The following IL33 variants were observed in gnomAD, a reference collection of about 807,000 sequenced individuals.
IL33 encodes interleukin 33.
IL33 carries 37 observed loss-of-function variants against 27.3 expected under a neutral mutation model. That is an observed-to-expected ratio of 1.36 (90% CI 1.04 to 1.78). The LOEUF (loss-of-function observed/expected upper bound fraction) is 1.78, where lower values mean the gene tolerates loss of function less well. IL33 is among the 40% of genes most tolerant of loss of function. IL33 has a pLI of 0.00. For missense variants in IL33, 406 were observed against 311.4 expected (o/e 1.30, Z -2.29); for synonymous variants, 132 against 102.9 (o/e 1.28, Z -1.71).
Position 6,229,089 on chromosome 9 carries a change from C to T in IL33, c.-11-12595C>T, listed in dbSNP as rs1001552627. Among the ~76,000 whole-genome samples, 5 of 151,902 alleles carry T rather than the reference C, an allele frequency of 3.3e-5. No homozygotes were observed. In the East Asian group the frequency reaches 9.7e-4, roughly 29 times the overall value. ...GTGCAGCTGCCAGTATAGAAGGGGC[C>T]CTGGGAGAAGGAAATAAATGAGCTA... is the stretch of plus-strand genomic sequence containing the variant. On this transcript the variant is annotated intron_variant, in intron 1 of 7. Coordinates refer to ENST00000682010, the MANE Select transcript of IL33 (RefSeq NM_033439.4).
chr9:6,243,344 T>A (rs1187408921), intron 2 of IL33, among the ~76,000 whole-genome samples: 1 of 152,152 alleles, frequency 6.6e-6, no homozygotes, highest in Non-Finnish European at 1.5e-5. Flanking sequence ...GAAAGAAGCA[T>A]GCAAATTTAT....
In IL33 at chr9:6,252,979, G is replaced by T. The variant is rs145823952; in HGVS notation, c.457G>T (p.Asp153Tyr). Residue 153 changes from aspartate to tyrosine, a missense_variant, in exon 5 of 8, where the codon GAT (aspartate) becomes TAT (tyrosine). Transcript: ENST00000682010. ...GATATATGTTGAAGACTTGAAAAAA[G>T]ATGAAAAGAAAGGTAGATTATTTTC... ...YEIYVEDLKK[D>Y]EKKDKVLLSY... The T allele has an allele frequency of 7.6e-4, 1,169 of 1,528,506 alleles. 13 individuals carry two copies. In the African/African-American group the frequency reaches 0.015, roughly 19 times the overall value. The allele number at this position is 1,528,506 out of a possible 1,614,324, so 94.7% of individuals were successfully genotyped here.
chr9:6,253,772 T>C (rs1816557220), intron 6 of IL33, among the ~76,000 whole-genome samples, 170 bp downstream of exon 6: 1 of 152,214 alleles, frequency 6.6e-6, no homozygotes, highest in South Asian at 2.1e-4. Context: ...TTCTCATCCA[T>C]TTTACAGCTT....
rs201999875 is a variant in IL33, at chr9:6,252,058, A to AAC, written c.343+794_343+795insCA. Among the ~76,000 whole-genome samples the AAC allele has an allele frequency of 1.2e-3, 149 of 122,756 alleles. 12 individuals carry two copies. The highest frequency in any genetic ancestry group is 4.9e-3 in the African/African-American group (144 of 29,480). 80.5% of individuals were successfully genotyped at this position (122,756 alleles called of 152,430 possible). The stretch of plus-strand genomic sequence containing the variant: ...CAGAAAAAAAACAAACAAACAAACA[A>AAC]AAAAAAACCCAACAAAAAACAAAAC... On this transcript the variant is annotated intron_variant, in intron 4 of 7. Coordinates refer to ENST00000682010, the MANE Select transcript of IL33 (RefSeq NM_033439.4).
chr9:6,249,259 CTTT>C (rs1045660818), intron 2 of IL33, among the ~76,000 whole-genome samples: 1 of 152,150 alleles, frequency 6.6e-6, no homozygotes, highest in Non-Finnish European at 1.5e-5. Flanking sequence ...TTCCACTTAT[CTTT>C]AAAAAGCATT....
At position 6,256,913 on chromosome 9, in the gene IL33, C is replaced by T. The variant is rs1209136134; in HGVS notation, c.*745C>T. ...ATTGAGTTTAAGCAAGGCATTCTTACACGAGGAAGTGAAGTAAATTTTAGT... is the reference window on the plus strand; with the variant it reads ...ATTGAGTTTAAGCAAGGCATTCTTATACGAGGAAGTGAAGTAAATTTTAGT... On this transcript the variant is annotated 3_prime_UTR_variant, in exon 8 of 8. Coordinates refer to ENST00000682010, the MANE Select transcript of IL33 (RefSeq NM_033439.4). 1 of 151,982 alleles carries T rather than the reference C, an allele frequency of 6.6e-6. No homozygotes were observed. Among genetic ancestry groups the T allele is most frequent in the Non-Finnish European group, 1.5e-5 (1 of 68,004 alleles). 9.4% of individuals were successfully genotyped at this position (151,982 alleles called of 1,614,324 possible).
chr9:6,243,987 G>A (rs924232510), intron 2 of IL33, among the ~76,000 whole-genome samples: 2 of 152,172 alleles, frequency 1.3e-5, no homozygotes, highest in Non-Finnish European at 1.5e-5. Context: ...ACTTGTAGCT[G>A]AGTCAAAATG....
rs985442124 is a variant in IL33, at chr9:6,241,374, A to G, written c.-11-310A>G. Among the ~76,000 whole-genome samples, 4 of 152,328 alleles carry G rather than the reference A, an allele frequency of 2.6e-5. No individual in the cohort carries two copies. The East Asian group carries it at 7.7e-4, about 29-fold the overall frequency. On this transcript the variant is annotated intron_variant, in intron 1 of 7. Transcript: ENST00000682010. ...TACACCACCATCACCACAAACACGC[A>G]AGTAATGAATTGTTCTAGGATGTTA... is the stretch of plus-strand genomic sequence containing the variant.
chr9:6,248,977 T>C (rs181921449), intron 2 of IL33, among the ~76,000 whole-genome samples: 212 of 152,332 alleles, frequency 1.4e-3, no homozygotes, highest in African/African-American at 4.9e-3. Context: ...TTGTATTAAA[T>C]TACTTGTCAG....
intron 1 of IL33, among the ~76,000 whole-genome samples, chr9:6,234,442 C>A (rs550930457): frequency 2.6e-5 from 4 of 152,330 alleles, no homozygotes; most frequent in African/African-American, 9.6e-5. Flanking sequence ...CCCCTCATCC[C>A]CAGTCCAGAG....
rs1242522860 is a variant in IL33 at position 6,257,289 on chromosome 9, T to C, written c.*1121T>C. ...TATTCCAGCTTCCTGATAACACTGC[T>C]TACTGTGGAATATTCATTTGACATC... On this transcript the variant is annotated 3_prime_UTR_variant, in exon 8 of 8. Coordinates refer to ENST00000682010, the MANE Select transcript of IL33 (RefSeq NM_033439.4). 6.6e-6 allele frequency: 1 copy of C among 152,218 alleles called. No homozygotes were observed. The highest frequency in any genetic ancestry group is 1.5e-5 in the Non-Finnish European group (1 of 68,032). The allele number at this position is 152,218 out of a possible 1,614,324, so 9.4% of individuals were successfully genotyped here.
chr9:6,235,745 A>C (rs935224244), intron 1 of IL33, among the ~76,000 whole-genome samples: 1 of 152,172 alleles, frequency 6.6e-6, no homozygotes, highest in Non-Finnish European at 1.5e-5. Context: ...ATTCAAAACT[A>C]TCAGATAGTT....
At chr9:6,253,663 T>C in intron 6 of IL33, 61 bp downstream of exon 6, 2 of 1,305,066 alleles carry the variant, frequency 1.5e-6, no homozygotes, top group Non-Finnish European at 2.2e-6. Context: ...TAAAGATAAA[T>C]CCAAAAAAAT....
chr9:6,228,857 A>AT (rs1818782442), intron 1 of IL33, among the ~76,000 whole-genome samples: 1 of 151,800 alleles, frequency 6.6e-6, no homozygotes, highest in African/African-American at 2.4e-5. Flanking sequence ...AAAAAAAAAA[A>AT]AAATCAGCTT....
intron 6 of IL33, among the ~76,000 whole-genome samples, chr9:6,253,909 C>T (rs959542419): frequency 6.6e-6 from 1 of 152,178 alleles, no homozygotes; most frequent in African/African-American, 2.4e-5. Flanking sequence ...GAACCCATCT[C>T]CTTCTATCTT....
rs769902678 is a variant in IL33 at position 6,241,727 on chromosome 9, A to C, written c.33A>C (p.Lys11Asn). Reference sequence around the variant, plus strand: ...CTAAAATGAAGTATTCAACCAACAAAATTTCCACAGCAAAGTGGAAGAACA... The same window carrying C: ...CTAAAATGAAGTATTCAACCAACAACATTTCCACAGCAAAGTGGAAGAACA... MKPKMKYSTN[K>N]ISTAKWKNTA... The change falls in exon 2 of 8, where the codon AAA becomes AAC. Residue 11 changes from lysine to asparagine, a missense_variant. Lys to Asn is a moderately conservative substitution (Grantham distance 94). Coordinates refer to ENST00000682010, the MANE Select transcript of IL33 (RefSeq NM_033439.4). The C allele has an allele frequency of 6.8e-6, 11 of 1,611,912 alleles. No homozygotes were observed. The Admixed American group carries it at 1.8e-4, about 27-fold the overall frequency.
intron 4 of IL33, among the ~76,000 whole-genome samples, chr9:6,252,240 T>C (rs939300670): frequency 6.6e-6 from 1 of 152,158 alleles, no homozygotes; most frequent in African/African-American, 2.4e-5. Flanking sequence ...ATTCAGTATG[T>C]AACATTCTCC....
Position 6,241,756 on chromosome 9 carries a change from C to T in IL33, c.62C>T (p.Ala21Val). 3 of 1,611,094 alleles carry T rather than the reference C, an allele frequency of 1.9e-6. No individual in the cohort carries two copies. The highest frequency in any genetic ancestry group is 2.5e-6 in the Non-Finnish European group (3 of 1,178,276). The stretch of plus-strand genomic sequence containing the variant: ...TCCACAGCAAAGTGGAAGAACACAG[C>T]AAGCAAAGCCTTGTGTTTCAAGCTG... ...KISTAKWKNT[A>V]SKALCFKLGK... is the part of the protein sequence containing the mutation. The change falls in exon 2 of 8, where the codon GCA (alanine) becomes GTA (valine). Residue 21 changes from alanine (A) to valine (V), a missense_variant. Coordinates refer to ENST00000682010, the MANE Select transcript of IL33 (RefSeq NM_033439.4).
At chr9:6,250,628 T>A in intron 3 of IL33, 29 bp downstream of exon 3, 1 of 1,602,994 alleles carries the variant, frequency 6.2e-7, no homozygotes, top group Non-Finnish European at 8.5e-7. Flanking sequence ...TCTCTGGCAA[T>A]AGTGATAAGT....
Sources: gnomAD v4.1 joint callset for allele counts (sites outside exome capture counted in the v4.1 genomes callset) on GRCh38, gnomAD v4.1.1 for gene constraint, MANE v1.5 for transcripts, NCBI Gene and HGNC (gene_info 2026-07-23, HGNC 2026-07-21) for gene names.